PPARGC1A: variants seen among roughly 807,000 people sequenced by gnomAD.
PPARGC1A encodes peroxisome proliferator-activated receptor gamma coactivator 1-alpha.
In PPARGC1A, 25 loss-of-function variants were observed where a neutral mutation model predicts 88.7. That is an observed-to-expected ratio of 0.28 (90% CI 0.21 to 0.39). PPARGC1A has a LOEUF of 0.39. Ranked by LOEUF, PPARGC1A falls within the 10% of genes least tolerant of loss-of-function variation. The pLI, the probability that PPARGC1A is intolerant of heterozygous loss-of-function variation, is 1.00. For synonymous variants in PPARGC1A, 363 were observed against 355.6 expected, an observed-to-expected ratio of 1.02 and a Z score of -0.24; for missense variants, 880 against 968.7, an observed-to-expected ratio of 0.91 and a Z score of 1.22.
chr4:24,113,303 T>C, the PPARGC1A span, among the ~76,000 whole-genome samples: 3 of 152,096 alleles, frequency 2.0e-5, no homozygotes, highest in African/African-American at 7.2e-5. Flanking sequence ...GATGCATGGA[T>C]GGATGGATGG....
At chr4:24,081,839 T>C in the PPARGC1A span, among the ~76,000 whole-genome samples, 4 of 152,118 alleles carry the variant, frequency 2.6e-5, no homozygotes, top group African/African-American at 9.7e-5. Flanking sequence ...ATTGTGTTTC[T>C]GACCTAGGTT....
upstream of PPARGC1A, among the ~76,000 whole-genome samples, chr4:23,900,704 C>T (rs374325236): frequency 6.6e-6 from 1 of 152,150 alleles, no homozygotes; most frequent in Non-Finnish European, 1.5e-5. Flanking sequence ...TATAGTAAGT[C>T]GACTTTCTAT....
At chr4:24,471,949 C>A in the PPARGC1A span, among the ~76,000 whole-genome samples, 1 of 152,164 alleles carries the variant, frequency 6.6e-6, no homozygotes, top group East Asian at 1.9e-4. The surrounding 1 kb of genome is among the most constrained non-coding windows in gnomAD (Gnocchi z 5.4). Context: ...GGGGGGCTTG[C>A]GGCTCTGCAG....
At chr4:24,083,075 T>G in the PPARGC1A span, among the ~76,000 whole-genome samples, 4 of 152,278 alleles carry the variant, frequency 2.6e-5, no homozygotes, top group African/African-American at 9.6e-5. Flanking sequence ...GGGCACTGGT[T>G]ATATATGGCC....
the PPARGC1A span, among the ~76,000 whole-genome samples, chr4:24,122,925 C>A: frequency 6.6e-6 from 1 of 152,252 alleles, no homozygotes; most frequent in South Asian, 2.1e-4. Flanking sequence ...ACATGTCATG[C>A]AATAATGTGA....
chr4:23,996,944 G>C, the PPARGC1A span, among the ~76,000 whole-genome samples: 2 of 152,212 alleles, frequency 1.3e-5, no homozygotes, highest in African/African-American at 4.8e-5. Context: ...TGATCAATGA[G>C]TATTTGGTTT....
the PPARGC1A span, among the ~76,000 whole-genome samples, chr4:24,336,379 T>C: frequency 2.6e-5 from 4 of 152,174 alleles, no homozygotes; most frequent in Non-Finnish European, 5.9e-5. Context: ...GCATCTAATT[T>C]TAAATGGATT....
chr4:24,108,996 T>TCA, the PPARGC1A span, among the ~76,000 whole-genome samples: 4,197 of 139,188 alleles, frequency 0.03, 150 homozygotes, highest in African/African-American at 0.091. Context: ...GCTATAAAAA[T>TCA]CACACACACA....
At chr4:23,969,212 A>G in the PPARGC1A span, among the ~76,000 whole-genome samples, 1 of 152,204 alleles carries the variant, frequency 6.6e-6, no homozygotes, top group South Asian at 2.1e-4. Flanking sequence ...AGTCTCGATA[A>G]ATGTCTGTTT....
At chr4:24,412,573 C>T in the PPARGC1A span, among the ~76,000 whole-genome samples, 286 of 152,236 alleles carry the variant, frequency 1.9e-3, no homozygotes, top group Non-Finnish European at 3.2e-3. Context: ...CTCCACCTCC[C>T]GGGTTCAAGC....
chr4:23,906,104 A>G (rs17576576), upstream of PPARGC1A, among the ~76,000 whole-genome samples: 50,898 of 152,054 alleles, frequency 0.33, 9,117 homozygotes, highest in Non-Finnish European at 0.4. Context: ...CTGACATACC[A>G]TTTAAAAGAG....
intron 12 of PPARGC1A, among the ~76,000 whole-genome samples, chr4:23,798,153 C>G (rs547075493): frequency 6.6e-6 from 1 of 152,240 alleles, no homozygotes; most frequent in Non-Finnish European, 1.5e-5. Context: ...CTCTGACTCT[C>G]TTTTCAGACT....
the PPARGC1A span, among the ~76,000 whole-genome samples, chr4:24,168,704 T>G: frequency 1.3e-5 from 2 of 151,510 alleles, no homozygotes; most frequent in East Asian, 3.9e-4. Context: ...AGCCACCAAC[T>G]GAAAGAATTT....
chr4:24,109,019 C>CCACACACACACACACACCACACACA, the PPARGC1A span, among the ~76,000 whole-genome samples: 5 of 140,652 alleles, frequency 3.6e-5, no homozygotes, highest in Non-Finnish European at 7.8e-5. Context: ...CACACACACA[C>CCACACACACACACACACCACACACA]CACACACACA....
At chr4:24,146,447 T>G in the PPARGC1A span, among the ~76,000 whole-genome samples, 1 of 152,152 alleles carries the variant, frequency 6.6e-6, no homozygotes, top group Non-Finnish European at 1.5e-5. Flanking sequence ...TCTGGATGAG[T>G]GTCCCTGCTC....
chr4:23,974,593 G>C, the PPARGC1A span, among the ~76,000 whole-genome samples: 1 of 151,838 alleles, frequency 6.6e-6, no homozygotes, highest in Non-Finnish European at 1.5e-5. Context: ...AGCTGCAAAG[G>C]CTGGCTTGCA....
At chr4:23,968,893 CAA>C in the PPARGC1A span, among the ~76,000 whole-genome samples, 4 of 151,532 alleles carry the variant, frequency 2.6e-5, no homozygotes, top group African/African-American at 9.7e-5. Flanking sequence ...GCCTGGGCGA[CAA>C]GAGCAAAACT....
chr4:24,196,294 G>C, the PPARGC1A span, among the ~76,000 whole-genome samples: 4 of 152,194 alleles, frequency 2.6e-5, no homozygotes, highest in African/African-American at 9.6e-5. Context: ...CAGAGAAGGA[G>C]AGAAAAATGA....
At chr4:23,866,845 G>C (rs1712107245) in intron 2 of PPARGC1A, among the ~76,000 whole-genome samples, 1 of 151,968 alleles carries the variant, frequency 6.6e-6, no homozygotes, top group South Asian at 2.1e-4. Context: ...TGCTCTCAGA[G>C]ATACCGCCCG....
Sources: gnomAD v4.1 joint callset for allele counts (sites outside exome capture counted in the v4.1 genomes callset) on GRCh38, gnomAD v4.1.1 for gene constraint, Gnocchi (gnomAD v3.1) non-coding constraint, MANE v1.5 for transcripts, NCBI Gene and HGNC (gene_info 2026-07-23, HGNC 2026-07-21) for gene names.